The following RAD51B variants were observed in gnomAD, a reference collection of about 807,000 sequenced individuals.
The protein encoded by RAD51B is DNA repair protein RAD51 homolog 2.
In RAD51B, 38 loss-of-function variants were observed where a neutral mutation model predicts 42.2. The ratio of observed to expected loss-of-function variants is 0.90; its 90% CI spans 0.70 to 1.18. RAD51B has a LOEUF of 1.18. Among genes scored for constraint, RAD51B ranks in the 50% most tolerant of loss-of-function variants. RAD51B has a pLI of 0.00. For missense variants in RAD51B, 373 were observed against 400.7 expected (o/e 0.93, Z 0.59); for synonymous variants, 154 against 145.2 (o/e 1.06, Z -0.43).
At chr14:68,350,398 G>T (rs1055760893) in intron 8 of RAD51B, among the ~76,000 whole-genome samples, 1 of 152,186 alleles carries the variant, frequency 6.6e-6, no homozygotes, top group South Asian at 2.1e-4. Context: ...GTATAGCAGC[G>T]ATGATATGAC....
At chr14:68,557,922 A>G (rs897317339) in intron 10 of RAD51B, among the ~76,000 whole-genome samples, 9 of 150,380 alleles carry the variant, frequency 6.0e-5, no homozygotes, top group African/African-American at 2.2e-4. Context: ...AAAGGTGCAA[A>G]TTTTAAAAAG....
chr14:68,586,456 CT>C (rs1287076113), intron 10 of RAD51B, among the ~76,000 whole-genome samples: 1 of 152,194 alleles, frequency 6.6e-6, no homozygotes, highest in Non-Finnish European at 1.5e-5. Context: ...TCATGTGTTT[CT>C]CTGGTTTTAA....
At chr14:68,345,496 TTG>T (rs1311707139) in intron 8 of RAD51B, among the ~76,000 whole-genome samples, 1 of 152,112 alleles carries the variant, frequency 6.6e-6, no homozygotes, top group African/African-American at 2.4e-5. Context: ...CCCCCCACTC[TTG>T]TTCCTACTCT....
intron 10 of RAD51B, among the ~76,000 whole-genome samples, chr14:68,589,639 T>A (rs1890650271): frequency 6.6e-6 from 1 of 152,158 alleles, no homozygotes; most frequent in African/African-American, 2.4e-5. Context: ...GTAGTCCTGA[T>A]CCTGTACAGA....
chr14:68,391,197 C>A lies in RAD51B; in HGVS notation c.854-20227C>A, dbSNP rs1045508570. On this transcript the variant is annotated intron_variant, in intron 8 of 10. Coordinates refer to ENST00000471583, the MANE Select transcript of RAD51B (RefSeq NM_133510.4). ...TTCTTTCTTTCTTCTTTCCTTTCTT[C>A]TTTCTTTTCATGTAGCATTTCTTTT... Among the ~76,000 whole-genome samples the A allele has an allele frequency of 7.9e-4, 112 of 142,572 alleles. 1 individual carries two copies. Among genetic ancestry groups the A allele is most frequent in the Non-Finnish European group, 1.1e-3 (75 of 65,382 alleles). The allele number at this position is 142,572 out of a possible 152,430, so 93.5% of individuals were successfully genotyped here.
chr14:68,554,621 C>T (rs1185133420), intron 10 of RAD51B, among the ~76,000 whole-genome samples: 3 of 152,170 alleles, frequency 2.0e-5, no homozygotes, highest in Admixed American at 6.5e-5. Flanking sequence ...GTCTTCCTTT[C>T]CTGCTCTTTA....
intron 7 of RAD51B, among the ~76,000 whole-genome samples, chr14:68,240,319 GCCA>G (rs2080356401): frequency 6.6e-6 from 1 of 152,180 alleles, no homozygotes. Flanking sequence ...TCCTTATACA[GCCA>G]CTTAGGGAAG....
chr14:68,657,442 A>C (rs1892839379), intron 11 of RAD51B, among the ~76,000 whole-genome samples: 1 of 152,224 alleles, frequency 6.6e-6, no homozygotes, highest in South Asian at 2.1e-4. Context: ...TGGCTTCCCA[A>C]AGTGCTGGGA....
intron 11 of RAD51B, among the ~76,000 whole-genome samples, chr14:68,678,658 C>T (rs1893363173): frequency 6.6e-6 from 1 of 152,088 alleles, no homozygotes; most frequent in Non-Finnish European, 1.5e-5. Context: ...GGGGATGGGT[C>T]TTGTTCCAAG....
chr14:67,827,279 T>C (rs1372471414), intron 3 of RAD51B, among the ~76,000 whole-genome samples: 1 of 152,192 alleles, frequency 6.6e-6, no homozygotes, highest in Non-Finnish European at 1.5e-5. Flanking sequence ...CCATGGCATA[T>C]TTCCCGTTAA....
At chr14:68,632,007 G>A (rs1044157744) in intron 10 of RAD51B, among the ~76,000 whole-genome samples, 6 of 152,168 alleles carry the variant, frequency 3.9e-5, no homozygotes, top group Non-Finnish European at 8.8e-5. Context: ...GGAATGCTGC[G>A]TTCTCAGGAA....
chr14:67,924,814 A>G (rs1488913283), intron 7 of RAD51B, among the ~76,000 whole-genome samples: 3 of 152,150 alleles, frequency 2.0e-5, no homozygotes, highest in Non-Finnish European at 4.4e-5. Context: ...AAAACCAATC[A>G]TGCCTTCCCA....
chr14:68,360,198 A>T (rs2082994887), intron 8 of RAD51B, among the ~76,000 whole-genome samples: 2 of 151,664 alleles, frequency 1.3e-5, no homozygotes, highest in Admixed American at 1.3e-4. Context: ...CCCCAGATGT[A>T]CTCCTAGACT....
chr14:68,115,715 C>T lies in RAD51B; in HGVS notation c.757-176169C>T, dbSNP rs151328706. Among the ~76,000 whole-genome samples the T allele has an allele frequency of 6.4e-3, 980 of 152,144 alleles. 12 individuals carry two copies. Among genetic ancestry groups the T allele is most frequent in the African/African-American group, 0.022 (926 of 41,502 alleles). Reference sequence around the variant, plus strand: ...AGGTCATATTCTTTAACTCAAAGTGCGGGAATCTTGTGTCAGGGAACTACA... The same window carrying T: ...AGGTCATATTCTTTAACTCAAAGTGTGGGAATCTTGTGTCAGGGAACTACA... On this transcript the variant is annotated intron_variant, in intron 7 of 10. Transcript: ENST00000471583.
At chr14:68,509,846 G>T (rs1276873569) in intron 10 of RAD51B, among the ~76,000 whole-genome samples, 1 of 152,252 alleles carries the variant, frequency 6.6e-6, no homozygotes, top group East Asian at 1.9e-4. Flanking sequence ...ACATCGGGCT[G>T]CAGGCCGGAT....
At chr14:68,589,747 C>T (rs1890654782) in intron 10 of RAD51B, among the ~76,000 whole-genome samples, 1 of 152,192 alleles carries the variant, frequency 6.6e-6, no homozygotes, top group Admixed American at 6.5e-5. Context: ...TCTTTATGGC[C>T]TGTTTTTTCC....
At chr14:68,456,439 A>G (rs1362050959) in intron 9 of RAD51B, among the ~76,000 whole-genome samples, 1 of 152,218 alleles carries the variant, frequency 6.6e-6, no homozygotes, top group Admixed American at 6.5e-5. Context: ...TGGCTATGCT[A>G]CTATCAGACA....
At chr14:68,669,136 G>T (rs1431821334) in intron 11 of RAD51B, among the ~76,000 whole-genome samples, 1 of 152,220 alleles carries the variant, frequency 6.6e-6, no homozygotes, top group Non-Finnish European at 1.5e-5. Context: ...CATGGATGTG[G>T]GTGGGACTGC....
At chr14:68,036,579 T>A (rs1026471635) in intron 7 of RAD51B, among the ~76,000 whole-genome samples, 1 of 152,196 alleles carries the variant, frequency 6.6e-6, no homozygotes, top group South Asian at 2.1e-4. Flanking sequence ...TCTCTCTTTA[T>A]ACTTAGAAGG....
Sources: gnomAD v4.1 joint callset for allele counts (sites outside exome capture counted in the v4.1 genomes callset) on GRCh38, gnomAD v4.1.1 for gene constraint, MANE v1.5 for transcripts, NCBI Gene and HGNC (gene_info 2026-07-23, HGNC 2026-07-21) for gene names.